SLC22A15: variants seen among roughly 807,000 people sequenced by gnomAD.
The protein encoded by SLC22A15 is flipt 1.
Under a neutral mutation model 62.7 loss-of-function variants are expected in SLC22A15, and 45 were observed. The observed-to-expected ratio is 0.72, with a 90% confidence interval of 0.56 to 0.92. SLC22A15 has a LOEUF of 0.92. Ranked by LOEUF, SLC22A15 falls within the 40% of genes least tolerant of loss-of-function variation. The probability of loss-of-function intolerance (pLI) is 0.00; values close to 1 mark genes in which losing one functional copy is unlikely to be tolerated. For synonymous variants in SLC22A15, 264 were observed against 267.0 expected (o/e 0.99, Z 0.11); for missense variants, 622 against 665.6 (o/e 0.93, Z 0.72).
At chr1:115,985,454 T>C (rs1335214519) in intron 1 of SLC22A15, among the ~76,000 whole-genome samples, 2 of 152,214 alleles carry the variant, frequency 1.3e-5, no homozygotes, top group African/African-American at 4.8e-5. Flanking sequence ...GAGTGATGCA[T>C]GACATATGAC....
Position 115,987,765 on chromosome 1 carries a change from G to A in SLC22A15, c.88-4266G>A, listed in dbSNP as rs566310820. Among the ~76,000 whole-genome samples, 18 of 152,020 alleles carry A rather than the reference G, an allele frequency of 1.2e-4. No individual in the cohort carries two copies. In the East Asian group the frequency reaches 2.1e-3, roughly 18 times the overall value. On this transcript the variant is annotated intron_variant, in intron 1 of 11. Coordinates refer to ENST00000369503, the MANE Select transcript of SLC22A15 (RefSeq NM_018420.3). ...TTCCTCCCCTCCCTTTATTTTCTCC[G>A]AAAAAAGCTCTGGCCCCAAAGTTAA...
chr1:116,021,880 G>A (rs1656855645), intron 4 of SLC22A15, among the ~76,000 whole-genome samples: 1 of 152,170 alleles, frequency 6.6e-6, no homozygotes, highest in Admixed American at 6.5e-5. Context: ...ATGACACCCA[G>A]GTCATCTTCC....
chr1:116,045,883 CAG>C (rs1193684914), intron 8 of SLC22A15, among the ~76,000 whole-genome samples: 3 of 150,378 alleles, frequency 2.0e-5, no homozygotes, highest in Non-Finnish European at 4.4e-5. Flanking sequence ...TTTTTTTTGA[CAG>C]AGCTGAGGTT....
At chr1:116,038,500 G>A (rs1005446476) in intron 8 of SLC22A15, among the ~76,000 whole-genome samples, 1 of 152,148 alleles carries the variant, frequency 6.6e-6, no homozygotes, top group African/African-American at 2.4e-5. Flanking sequence ...TCACTACTTA[G>A]AGTTTACCCA....
At chr1:116,064,760 C>T (rs995902108) in intron 10 of SLC22A15, among the ~76,000 whole-genome samples, 3 of 152,104 alleles carry the variant, frequency 2.0e-5, no homozygotes, top group African/African-American at 7.2e-5. Context: ...TGCCCCATTC[C>T]TGTCCCCATG....
chr1:116,056,952 G>C (rs373063231), intron 8 of SLC22A15, among the ~76,000 whole-genome samples: 3,413 of 149,518 alleles, frequency 0.023, 131 homozygotes, highest in African/African-American at 0.082. Context: ...CCATAAAAAC[G>C]CTAGAAGAAA....
Position 116,067,903 on chromosome 1 carries a change from T to G in SLC22A15, c.*795T>G, listed in dbSNP as rs879796284. 2 of 152,148 alleles carry G rather than the reference T, an allele frequency of 1.3e-5. No homozygotes were observed. Among genetic ancestry groups the G allele is most frequent in the Non-Finnish European group, 2.9e-5 (2 of 68,026 alleles). The allele number at this position is 152,148 out of a possible 1,614,324, so 9.4% of individuals were successfully genotyped here. A position where few individuals can be genotyped will look rare whatever the true frequency, so the allele number is the denominator to read the frequency against. Reference sequence around the variant, plus strand: ...AAATTTCCATCTGAGATTCTAGTACTTCAAAATCATGCATAGTAAATGAGA... The same window carrying G: ...AAATTTCCATCTGAGATTCTAGTACGTCAAAATCATGCATAGTAAATGAGA... On this transcript the variant is annotated 3_prime_UTR_variant, in exon 12 of 12. Transcript: ENST00000369503.
At chr1:116,032,239 C>T (rs1262601631) in intron 6 of SLC22A15, 10 of 985,400 alleles carry the variant, frequency 1.0e-5, no homozygotes, top group Non-Finnish European at 1.1e-5. Context: ...AAGTTGCATT[C>T]AGCGGTTCAA....
rs553597655 is a variant in SLC22A15, at chr1:116,027,446, T to C, written c.728+424T>C. On this transcript the variant is annotated intron_variant, in intron 5 of 11. Coordinates refer to ENST00000369503, the MANE Select transcript of SLC22A15 (RefSeq NM_018420.3). ...TACAGATTAGTGTCATTTCAGGGCC[T>C]CTAAACATTGACTCTGGAAGAGTCT... 3.0e-4 allele frequency: 142 copies of C among 478,788 alleles called. 1 individual carries two copies. The highest frequency in any genetic ancestry group is 2.9e-3 in the Admixed American group (142 of 49,392). 29.7% of individuals were successfully genotyped at this position (478,788 alleles called of 1,614,324 possible).
chr1:116,027,856 C>T (rs370302810), intron 5 of SLC22A15, among the ~76,000 whole-genome samples: 3 of 152,098 alleles, frequency 2.0e-5, no homozygotes, highest in African/African-American at 4.8e-5. Flanking sequence ...AACTTCTGAC[C>T]TCAGGTGATC....
At chr1:115,983,553 C>A (rs1008167912) in intron 1 of SLC22A15, among the ~76,000 whole-genome samples, 4 of 152,092 alleles carry the variant, frequency 2.6e-5, no homozygotes, top group Non-Finnish European at 2.9e-5. Flanking sequence ...GTTCAGCAGG[C>A]CCTGTAAGGC....
intron 2 of SLC22A15, among the ~76,000 whole-genome samples, chr1:116,004,865 A>C (rs1655899844): frequency 6.6e-6 from 1 of 152,152 alleles, no homozygotes; most frequent in Non-Finnish European, 1.5e-5. Flanking sequence ...CTATTTTGTC[A>C]AATGATCTAT....
chr1:116,000,281 C>A (rs1439450459), intron 2 of SLC22A15, among the ~76,000 whole-genome samples: 2 of 151,848 alleles, frequency 1.3e-5, no homozygotes, highest in Non-Finnish European at 2.9e-5. Flanking sequence ...TTTTATGTTA[C>A]CATGAAGCTT....
At chr1:116,033,583 G>GTGTGTT (rs1553223951) in intron 6 of SLC22A15, among the ~76,000 whole-genome samples, 1 of 145,636 alleles carries the variant, frequency 6.9e-6, no homozygotes, top group Non-Finnish European at 1.5e-5. Flanking sequence ...GTGTGTGTGT[G>GTGTGTT]TGTGTATGTG....
rs766176509 is a variant in SLC22A15, at chr1:115,996,930, G to GT, written c.300+4698dup. Among the ~76,000 whole-genome samples the GT allele has an allele frequency of 8.4e-3, 1,221 of 145,654 alleles. 5 individuals are homozygous for GT. Among genetic ancestry groups the GT allele is most frequent in the Non-Finnish European group, 0.011 (758 of 65,972 alleles). On this transcript the variant is annotated intron_variant, in intron 2 of 11. Coordinates refer to ENST00000369503, the MANE Select transcript of SLC22A15 (RefSeq NM_018420.3). ...GACAGTCATATAAAAAGTAAGGACA[G>GT]TTTTTTTTTTTCCATTTCCAATCTG...
chr1:116,058,412 G>A (rs576281729), intron 8 of SLC22A15, among the ~76,000 whole-genome samples: 2 of 152,254 alleles, frequency 1.3e-5, no homozygotes, highest in South Asian at 2.1e-4. Flanking sequence ...AAGCCACAGT[G>A]CGATACCATC....
At chr1:116,051,976 C>T (rs1000889124) in intron 8 of SLC22A15, among the ~76,000 whole-genome samples, 43 of 152,290 alleles carry the variant, frequency 2.8e-4, no homozygotes, top group African/African-American at 3.9e-4. Context: ...GCGTGAGCGA[C>T]GCAGAAGATG....
Position 116,031,544 on chromosome 1 carries a change from G to T in SLC22A15, c.907G>T (p.Val303Phe), listed in dbSNP as rs778924474. 1.2e-6 allele frequency: 2 copies of T among 1,613,828 alleles called. No individual in the cohort carries two copies. Among genetic ancestry groups the T allele is most frequent in the Admixed American group, 1.7e-5 (1 of 60,000 alleles). ...TTTCCTGGATCTCTTTCGTTACCGG[G>T]TCCTGTTAGGACACACTTTGATCCT... ...GSFLDLFRYR[V>F]LLGHTLILMF... Residue 303 changes from valine to phenylalanine, a missense_variant, in exon 6 of 12, where the codon GTC becomes TTC. Transcript: ENST00000369503.
chr1:116,055,477 C>G (rs998723444), intron 8 of SLC22A15, among the ~76,000 whole-genome samples: 7 of 146,384 alleles, frequency 4.8e-5, no homozygotes, highest in Non-Finnish European at 7.6e-5. Flanking sequence ...ACCAGAGGTA[C>G]AAGGAGGAAC....
Sources: allele counts gnomAD v4.1 joint callset (sites outside exome capture counted in the v4.1 genomes callset), GRCh38; gene constraint gnomAD v4.1.1; transcripts MANE v1.5; gene names NCBI Gene and HGNC (gene_info 2026-07-23, HGNC 2026-07-21).